The following C9orf152 variants were observed in gnomAD, a reference collection of about 807,000 sequenced individuals.
C9orf152 encodes uncharacterized protein C9orf152.
In C9orf152, 8 loss-of-function variants were observed where a neutral mutation model predicts 8.5. That is an observed-to-expected ratio of 0.94 (90% CI 0.55 to 1.70). The LOEUF is 1.70. Ranked by LOEUF, C9orf152 falls within the 40% of genes most tolerant of loss-of-function variation. C9orf152 has a pLI of 0.00. For missense variants in C9orf152, 293 were observed against 286.2 expected (o/e 1.02, Z -0.17); for synonymous variants, 109 against 113.0 (o/e 0.96, Z 0.22).
At chr9:110,202,422 A>G (rs1316909275) in intron 1 of C9orf152, among the ~76,000 whole-genome samples, 4 of 152,170 alleles carry the variant, frequency 2.6e-5, no homozygotes, top group Non-Finnish European at 5.9e-5. Flanking sequence ...CACCCAAGGC[A>G]GAAGAGGGAG....
At chr9:110,204,841 C>A (rs994273460) in intron 1 of C9orf152, among the ~76,000 whole-genome samples, 12 of 152,182 alleles carry the variant, frequency 7.9e-5, no homozygotes, top group Non-Finnish European at 1.8e-4. Context: ...ACTCTACATA[C>A]CTCATGTAAA....
intron 1 of C9orf152, among the ~76,000 whole-genome samples, chr9:110,206,013 C>T (rs896424109): frequency 5.3e-5 from 8 of 151,622 alleles, no homozygotes; most frequent in African/African-American, 1.9e-4. Context: ...GCCGAGATTG[C>T]ACCCCACTGC....
In C9orf152 at chr9:110,201,245, C is replaced by T. The variant is rs1587904314; in HGVS notation, c.423G>A (p.Arg141=). The change falls in exon 2 of 2, where the codon AGG becomes AGA. Residue 141 remains arginine (R), a synonymous_variant. Transcript: ENST00000400613. ...PQDTSHQVHH[R]GKLVGSDQRL... ...TTTGATCAGATCCCACAAGCTTGCC[C>T]CTATGATGTACTTGATGACTGGTGT... 3.1e-6 allele frequency: 5 copies of T among 1,613,946 alleles called. No homozygotes were observed. The highest frequency in any genetic ancestry group is 4.2e-6 in the Non-Finnish European group (5 of 1,180,024).
At chr9:110,202,730 C>G (rs1217778362) in intron 1 of C9orf152, among the ~76,000 whole-genome samples, 1 of 152,114 alleles carries the variant, frequency 6.6e-6, no homozygotes. Context: ...AGAGGTGTCA[C>G]TTAGGTTCAC....
At chr9:110,203,893 A>G (rs1837246920) in intron 1 of C9orf152, among the ~76,000 whole-genome samples, 1 of 152,146 alleles carries the variant, frequency 6.6e-6, no homozygotes, top group African/African-American at 2.4e-5. Context: ...AGAGAGACTC[A>G]GGGAGGAAAG....
Position 110,207,445 on chromosome 9 carries a change from C to T in C9orf152, c.135G>A (p.Gln45=). The part of the protein sequence containing the change: ...PPLSIQFLRA[Q]YEGLKRQQRT... ...TCTGCTGCCTCTTCAAGCCTTCATA[C>T]TGGGCTCGCAGGAACTGGATGCTGA... The change falls in exon 1 of 2, where the codon CAG becomes CAA. Residue 45 remains glutamine, a synonymous_variant. Coordinates refer to ENST00000400613, the MANE Select transcript of C9orf152 (RefSeq NM_001012993.3). 6.2e-7 allele frequency: 1 copy of T among 1,613,542 alleles called. No individual in the cohort carries two copies. The highest frequency in any genetic ancestry group is 8.5e-7 in the Non-Finnish European group (1 of 1,179,724).
Position 110,199,897 on chromosome 9 carries a change from A to C in C9orf152, c.*1051T>G, listed in dbSNP as rs1394652986. 6.6e-6 allele frequency: 1 copy of C among 152,246 alleles called. No individual in the cohort carries two copies. The highest frequency in any genetic ancestry group is 1.5e-5 in the Non-Finnish European group (1 of 68,050). 9.4% of individuals were successfully genotyped at this position (152,246 alleles called of 1,614,324 possible). On this transcript the variant is annotated 3_prime_UTR_variant, in exon 2 of 2. Transcript: ENST00000400613. ...TACAAGCTTTTTTCCCTATCACCCA[A>C]GTGACACCTGCTTCGCTTTGTCTTA... is the stretch of plus-strand genomic sequence containing the variant.
Position 110,200,842 on chromosome 9 carries a change from C to A in C9orf152, c.*106G>T. ...CACAATTCCTATAATTAGGTTAGTC[C>A]AGTTCTTGCTCATAGCTAGAGACCT... On this transcript the variant is annotated 3_prime_UTR_variant, in exon 2 of 2. Transcript: ENST00000400613. 1 of 1,089,546 alleles carries A rather than the reference C, an allele frequency of 9.2e-7. No homozygotes were observed. The allele number at this position is 1,089,546 out of a possible 1,614,324, so 67.5% of individuals were successfully genotyped here. A position where few individuals can be genotyped will look rare whatever the true frequency, so the allele number is the denominator to read the frequency against.
At position 110,200,744 on chromosome 9, in the gene C9orf152, T is replaced by C. The variant is rs1837204878; in HGVS notation, c.*204A>G. The C allele has an allele frequency of 8.7e-6, 5 of 574,536 alleles. No individual in the cohort carries two copies. In the Middle Eastern group the frequency reaches 1.4e-3, roughly 159 times the overall value. 35.6% of individuals were successfully genotyped at this position (574,536 alleles called of 1,614,324 possible). A position where few individuals can be genotyped will look rare whatever the true frequency, so the allele number is the denominator to read the frequency against. On this transcript the variant is annotated 3_prime_UTR_variant, in exon 2 of 2. Coordinates refer to ENST00000400613, the MANE Select transcript of C9orf152 (RefSeq NM_001012993.3). ...AGACAGTCCTCTTCATCCTAAACTG[T>C]GGGCAATTTGGCCTGGGAAGTCTCT... is the stretch of plus-strand genomic sequence containing the variant.
intron 1 of C9orf152, among the ~76,000 whole-genome samples, chr9:110,205,287 C>CT (rs1241283492): frequency 6.6e-6 from 1 of 151,860 alleles, no homozygotes; most frequent in East Asian, 1.9e-4. Flanking sequence ...CACAAAAAGC[C>CT]TTTTTCTCCT....
intron 1 of C9orf152, among the ~76,000 whole-genome samples, chr9:110,206,528 G>A (rs1837275768): frequency 6.6e-6 from 1 of 152,188 alleles, no homozygotes; most frequent in Non-Finnish European, 1.5e-5. Context: ...CCATTGGTTG[G>A]CAACAGCCCA....
rs1359637370 is a variant in C9orf152 at position 110,199,667 on chromosome 9, G to T, written c.*1281C>A. The stretch of plus-strand genomic sequence containing the variant: ...ATCCCCAAATTTGAGTGGATTTCTG[G>T]GTGGTTCAAGGAAGCTTCTACATGT... On this transcript the variant is annotated 3_prime_UTR_variant, in exon 2 of 2. Coordinates refer to ENST00000400613, the MANE Select transcript of C9orf152 (RefSeq NM_001012993.3). 6.6e-6 allele frequency: 1 copy of T among 152,054 alleles called. No homozygotes were observed. The highest frequency in any genetic ancestry group is 1.9e-4 in the East Asian group (1 of 5,188). 9.4% of individuals were successfully genotyped at this position (152,054 alleles called of 1,614,324 possible). A position where few individuals can be genotyped will look rare whatever the true frequency, so the allele number is the denominator to read the frequency against.
At chr9:110,203,446 G>T (rs1837243774) in intron 1 of C9orf152, among the ~76,000 whole-genome samples, 2 of 152,202 alleles carry the variant, frequency 1.3e-5, no homozygotes, top group South Asian at 4.1e-4. Flanking sequence ...AAGGACTGAA[G>T]GTGGACAGGC....
chr9:110,201,933 GAT>G (rs1837227094), intron 1 of C9orf152, among the ~76,000 whole-genome samples: 1 of 152,124 alleles, frequency 6.6e-6, no homozygotes, highest in Admixed American at 6.5e-5. Context: ...TCTGGGAGGA[GAT>G]AGGGAACTAG....
chr9:110,203,354 A>G (rs1469031825), intron 1 of C9orf152, among the ~76,000 whole-genome samples: 2 of 152,150 alleles, frequency 1.3e-5, no homozygotes, highest in African/African-American at 2.4e-5. Flanking sequence ...CCAACATGTT[A>G]TGTACTTATT....
chr9:110,203,813 A>T (rs1023922887), intron 1 of C9orf152, among the ~76,000 whole-genome samples: 3 of 152,178 alleles, frequency 2.0e-5, no homozygotes, highest in Non-Finnish European at 4.4e-5. Context: ...GGGTATTTTG[A>T]GCCCCTCCTT....
In C9orf152 at chr9:110,200,708, C is replaced by T. The variant is rs1587904015; in HGVS notation, c.*240G>A. The stretch of plus-strand genomic sequence containing the variant: ...ACCTCATAGTAATGTCAGAATGGGG[C>T]TGCACTGACCAGACAGTCCTCTTCA... On this transcript the variant is annotated 3_prime_UTR_variant, in exon 2 of 2. Coordinates refer to ENST00000400613, the MANE Select transcript of C9orf152 (RefSeq NM_001012993.3). 1 of 494,910 alleles carries T rather than the reference C, an allele frequency of 2.0e-6. No individual in the cohort carries two copies. Among genetic ancestry groups the T allele is most frequent in the East Asian group, 3.5e-5 (1 of 28,560 alleles). The allele number at this position is 494,910 out of a possible 1,614,324, so 30.7% of individuals were successfully genotyped here. A position where few individuals can be genotyped will look rare whatever the true frequency, so the allele number is the denominator to read the frequency against.
At chr9:110,205,290 T>C (rs933455283) in intron 1 of C9orf152, among the ~76,000 whole-genome samples, 1 of 152,042 alleles carries the variant, frequency 6.6e-6, no homozygotes, top group Non-Finnish European at 1.5e-5. Context: ...AAAAAGCCTT[T>C]TTCTCCTGTA....
rs111933635 is a variant in C9orf152 at position 110,204,349 on chromosome 9, A to G, written c.194-2875T>C. 9.9e-3 allele frequency among the ~76,000 whole-genome samples: 1,506 copies of G among 152,318 alleles called. 24 individuals are homozygous for G. The highest frequency in any genetic ancestry group is 0.03 in the African/African-American group (1,260 of 41,564). On this transcript the variant is annotated intron_variant, in intron 1 of 1. Transcript: ENST00000400613. The stretch of plus-strand genomic sequence containing the variant: ...GAAGCTGGATCCATCGCATAATGCT[A>G]AGACAGGGTGAAGAAAGCTAATTTC...
Sources: allele counts gnomAD v4.1 joint callset (sites outside exome capture counted in the v4.1 genomes callset), GRCh38; gene constraint gnomAD v4.1.1; transcripts MANE v1.5; gene names NCBI Gene and HGNC (gene_info 2026-07-23, HGNC 2026-07-21).